MAN2C1: variants seen among roughly 807,000 people sequenced by gnomAD.
MAN2C1 encodes alpha-mannosidase 2C1.
Under a neutral mutation model 126.9 loss-of-function variants are expected in MAN2C1, and 111 were observed. The observed-to-expected ratio is 0.87, with a 90% CI of 0.75 to 1.02. MAN2C1 has a LOEUF of 1.02. MAN2C1 is among the 50% of genes least tolerant of loss of function. The pLI, the probability that MAN2C1 is intolerant of heterozygous loss-of-function variation, is 0.00. For synonymous variants in MAN2C1, 567 were observed against 561.5 expected, an observed-to-expected ratio of 1.01 and a Z score of -0.14; for missense variants, 1,363 against 1,364.4, an observed-to-expected ratio of 1.00 and a Z score of 0.02.
rs1212305864 is a variant in MAN2C1 at position 75,361,673 on chromosome 15, G to C, written c.1149C>G (p.Ile383Met). Reference protein sequence around the residue: ...TFGYSAQLPQIMHGCGIRRFL... With the variant: ...TFGYSAQLPQMMHGCGIRRFL... ...AGCGCCTGATGCCACAGCCGTGCAT[G>C]ATCTGGGGGAGCTGTGCTGAGTAGC... The change falls in exon 10 of 26, where the codon ATC becomes ATG. Residue 383 changes from isoleucine to methionine, a missense_variant. By Grantham distance (10) the Ile-to-Met change is conservative (BLOSUM62 1). This residue lies in a region of MAN2C1 where 628 missense variants were observed against 609.8 expected (regional missense o/e 1.03). Coordinates refer to ENST00000267978, the MANE Select transcript of MAN2C1 (RefSeq NM_006715.4). The surrounding 1 kb of genome is among the most constrained non-coding windows in gnomAD (Gnocchi z 5.0). 1 of 1,614,034 alleles carries C rather than the reference G, an allele frequency of 6.2e-7. No individual in the cohort carries two copies. The highest frequency in any genetic ancestry group is 1.1e-5 in the South Asian group (1 of 91,076).
chr15:75,356,057 G>C lies in MAN2C1; in HGVS notation c.2997-25C>G. Reference sequence around the variant, plus strand: ...GCTGGAGAACAGGAGGGGCCATGAAGGCTCTGCGAGGGCGAGACTCGACCC... The same window carrying C: ...GCTGGAGAACAGGAGGGGCCATGAACGCTCTGCGAGGGCGAGACTCGACCC... On this transcript the variant is annotated intron_variant, in intron 25 of 25. Transcript: ENST00000267978. This position sits in a 1 kb window ranked among gnomAD's most constrained non-coding sequence, Gnocchi z 5.8. 6.2e-7 allele frequency: 1 copy of C among 1,613,736 alleles called. No individual in the cohort carries two copies. Among genetic ancestry groups the C allele is most frequent in the Non-Finnish European group, 8.5e-7 (1 of 1,179,834 alleles).
At chr15:75,366,442 T>A (rs1595879637) in intron 4 of MAN2C1, 80 bp downstream of exon 4, 1 of 1,200,528 alleles carries the variant, frequency 8.3e-7, no homozygotes, top group East Asian at 2.4e-5. Flanking sequence ...GCTTATGAGA[T>A]CACTCTGGGC....
At chr15:75,363,133 A>T (rs1329918578) in intron 6 of MAN2C1, 1 of 455,142 alleles carries the variant, frequency 2.2e-6, no homozygotes, top group Non-Finnish European at 4.4e-6. Flanking sequence ...CAGCTGTCCT[A>T]CCAGAGGTGC....
In MAN2C1 at chr15:75,366,797, C is replaced by A. The variant is rs76957434; in HGVS notation, c.352-205G>T. On this transcript the variant is annotated intron_variant, in intron 3 of 25. Transcript: ENST00000267978. Reference sequence around the variant, plus strand: ...AGCCAGCACCATGACCGTCAAATAGCCCCTGTTTACCAGTGGCAAACCCAT... The same window carrying A: ...AGCCAGCACCATGACCGTCAAATAGACCCTGTTTACCAGTGGCAAACCCAT... 2.8e-4 allele frequency among the ~76,000 whole-genome samples: 43 copies of A among 152,342 alleles called. 1 individual carries two copies. The East Asian group carries it at 8.1e-3, about 29-fold the overall frequency.
chr15:75,356,082 C>A lies in MAN2C1; in HGVS notation c.2996+28G>T. 6.2e-7 allele frequency: 1 copy of A among 1,613,540 alleles called. No individual in the cohort carries two copies. The highest frequency in any genetic ancestry group is 8.5e-7 in the Non-Finnish European group (1 of 1,179,794). ...GGCTCTGCGAGGGCGAGACTCGACCCCCGCCCCAATCCCACACCGCCACTC... is the reference window on the plus strand; with the variant it reads ...GGCTCTGCGAGGGCGAGACTCGACCACCGCCCCAATCCCACACCGCCACTC... On this transcript the variant is annotated intron_variant, in intron 25 of 25. Transcript: ENST00000267978. This position sits in a 1 kb window ranked among gnomAD's most constrained non-coding sequence, Gnocchi z 5.8.
intron 5 of MAN2C1, 86 bp from the exon 6 acceptor site, chr15:75,364,274 C>A: frequency 1.6e-5 from 23 of 1,413,238 alleles, no homozygotes; most frequent in Admixed American, 2.7e-5. Flanking sequence ...CTCAGCAGAG[C>A]TCCCCTGACC....
chr15:75,358,241 G>A lies in MAN2C1; in HGVS notation c.2507C>T (p.Pro836Leu). 6.2e-7 allele frequency: 1 copy of A among 1,614,208 alleles called. No homozygotes were observed. The change falls in exon 21 of 26, where the codon CCT (proline) becomes CTT (leucine). Residue 836 changes from proline to leucine, a missense_variant. Pro to Leu is a moderately conservative substitution (Grantham distance 98). Transcript: ENST00000267978. ...YEIQFGHLQR[P>L]THYNTSWDWA... ...GTCCCAAGAGGTATTGTAGTGGGTA[G>A]GTCGCTGCAGGTGCCCAAACTGGAT...
At chr15:75,366,116 A>G (rs2072570757) in intron 4 of MAN2C1, 1 of 315,996 alleles carries the variant, frequency 3.2e-6, no homozygotes, top group Non-Finnish European at 6.2e-6. Context: ...CTGAGATGTT[A>G]ATAATGTTCA....
At chr15:75,357,541 T>G (rs2141325488) in intron 21 of MAN2C1, among the ~76,000 whole-genome samples, 1 of 152,102 alleles carries the variant, frequency 6.6e-6, no homozygotes, top group South Asian at 2.1e-4. Flanking sequence ...TCTCTTGACC[T>G]CGTGATCCGC....
Position 75,368,535 on chromosome 15 carries a change from C to G in MAN2C1, c.49G>C (p.Val17Leu). 1 of 1,555,084 alleles carries G rather than the reference C, an allele frequency of 6.4e-7. No individual in the cohort carries two copies. The highest frequency in any genetic ancestry group is 2.4e-5 in the East Asian group (1 of 41,360). The change falls in exon 1 of 26, where the codon GTG becomes CTG. Residue 17 changes from valine (V) to leucine (L), a missense_variant. Val to Leu is a conservative substitution (Grantham distance 32). Around this residue, in one of 3 missense-constraint regions of MAN2C1, gnomAD observed 628 missense variants for 609.8 expected, o/e 1.03. Coordinates refer to ENST00000267978, the MANE Select transcript of MAN2C1 (RefSeq NM_006715.4). Reference sequence around the variant, plus strand: ...TAGAGCGGCGACACGAACTTCTCCACCCGCTCCAGCGTGGTGCGCCAGTGC... The same window carrying G: ...TAGAGCGGCGACACGAACTTCTCCAGCCGCTCCAGCGTGGTGCGCCAGTGC... ...LKHWRTTLER[V>L]EKFVSPLYFT...
chr15:75,368,020 G>A (rs1323598486), intron 2 of MAN2C1, 53 bp downstream of exon 2: 3 of 1,553,202 alleles, frequency 1.9e-6, no homozygotes, highest in Non-Finnish European at 1.7e-6. Flanking sequence ...TGGGAGCTGG[G>A]TTGGGACTTC....
In MAN2C1 at chr15:75,359,431, G is replaced by A; in HGVS notation, c.1949-6C>T. ...GCTGGGCACTGTCACCAGGGCTGGG[G>A]GTGAGGCCTGGGCATCAGTGCAGCC... On this transcript the variant is annotated splice_polypyrimidine_tract_variant and splice_region_variant and intron_variant, in intron 16 of 25. Transcript: ENST00000267978. 1 of 1,607,448 alleles carries A rather than the reference G, an allele frequency of 6.2e-7. No individual in the cohort carries two copies. The highest frequency in any genetic ancestry group is 2.2e-5 in the East Asian group (1 of 44,866).
chr15:75,359,190 G>T (rs776261613), intron 17 of MAN2C1, 37 bp from the exon 18 acceptor site: 6 of 1,612,476 alleles, frequency 3.7e-6, no homozygotes, highest in Non-Finnish European at 5.1e-6. Context: ...AGTCTGTAGG[G>T]GCTTCCCACA....
In MAN2C1 at chr15:75,361,301, C is replaced by T; in HGVS notation, c.1299G>A (p.Gln433=). ...HFPPGDSYGM[Q]GSVEEVLKTV... Reference sequence around the variant, plus strand: ...GACCCCTCACCTCCTCCACGCTGCCCTGCATCCCATAGGAGTCGCCAGGTG... The same window carrying T: ...GACCCCTCACCTCCTCCACGCTGCCTTGCATCCCATAGGAGTCGCCAGGTG... The change falls in exon 11 of 26, where the codon CAG becomes CAA. Residue 433 remains glutamine, a synonymous_variant. Transcript: ENST00000267978. The surrounding 1 kb of genome is among the most constrained non-coding windows in gnomAD (Gnocchi z 5.0). 2 of 1,570,576 alleles carry T rather than the reference C, an allele frequency of 1.3e-6. No individual in the cohort carries two copies. Among genetic ancestry groups the T allele is most frequent in the Non-Finnish European group, 1.7e-6 (2 of 1,157,426 alleles).
intron 12 of MAN2C1, 134 bp downstream of exon 12, chr15:75,360,912 T>A: frequency 7.8e-7 from 1 of 1,289,288 alleles, no homozygotes; most frequent in South Asian, 1.5e-5. Flanking sequence ...GGGTGGAAGT[T>A]TGGAGGAACC....
At chr15:75,360,969 C>T in intron 12 of MAN2C1, 77 bp downstream of exon 12, 2 of 1,518,988 alleles carry the variant, frequency 1.3e-6, no homozygotes, top group East Asian at 2.4e-5. Context: ...AGGGGTTGGG[C>T]CCAATGTCTG....
chr15:75,367,944 C>T lies in MAN2C1; in HGVS notation c.227+129G>A, dbSNP rs2072611919. On this transcript the variant is annotated intron_variant, in intron 2 of 25. Coordinates refer to ENST00000267978, the MANE Select transcript of MAN2C1 (RefSeq NM_006715.4). ...TGTTCCCAGCAGAGGGTGCTGCTCC[C>T]AGCAGAGGGTGCTGCTCGATCCCAC... 49 of 1,248,516 alleles carry T rather than the reference C, an allele frequency of 3.9e-5. 1 individual carries two copies. The South Asian group carries it at 6.6e-4, about 17-fold the overall frequency. The allele number at this position is 1,248,516 out of a possible 1,614,324, so 77.3% of individuals were successfully genotyped here.
Position 75,357,309 on chromosome 15 carries a change from C to CT in MAN2C1, c.2548-408dup, listed in dbSNP as rs766453436. ...ACAGGACATGTGCCACCACGCCCGGCTTTTTTTTTTTTTTTGAGATGGAGT... is the reference window on the plus strand; with the variant it reads ...ACAGGACATGTGCCACCACGCCCGGCTTTTTTTTTTTTTTTTGAGATGGAGT... On this transcript the variant is annotated intron_variant, in intron 21 of 25. Transcript: ENST00000267978. 1,305 of 144,918 alleles carry CT rather than the reference C, an allele frequency of 9.0e-3. 7 individuals carry two copies. Among genetic ancestry groups the CT allele is most frequent in the African/African-American group, 0.016 (597 of 36,906 alleles). The allele number at this position is 144,918 out of a possible 1,614,324, so 9.0% of individuals were successfully genotyped here. A position where few individuals can be genotyped will look rare whatever the true frequency, so the allele number is the denominator to read the frequency against.
chr15:75,368,246 C>A, intron 1 of MAN2C1, 48 bp from the exon 2 acceptor site: 1 of 1,549,838 alleles, frequency 6.5e-7, no homozygotes, highest in South Asian at 1.2e-5. Flanking sequence ...GCCCCGTTTC[C>A]GCCTGGGGGC....
Sources: gnomAD v4.1 joint callset for allele counts (sites outside exome capture counted in the v4.1 genomes callset) on GRCh38, gnomAD v4.1.1 for gene constraint, gnomAD v4.1.1 regional missense constraint, Gnocchi (gnomAD v3.1) non-coding constraint, MANE v1.5 for transcripts, NCBI Gene and HGNC (gene_info 2026-07-23, HGNC 2026-07-21) for gene names.